The following MAPKAPK5 variants were observed in gnomAD, a reference collection of about 807,000 sequenced individuals.
MAPKAPK5 encodes the protein MAP kinase-activated protein kinase 5.
Under a neutral mutation model 65.1 loss-of-function variants are expected in MAPKAPK5, and 30 were observed. That is an observed-to-expected ratio of 0.46 (90% CI 0.34 to 0.63). The LOEUF (loss-of-function observed/expected upper bound fraction) is 0.63, where lower values mean the gene tolerates loss of function less well. Ranked by LOEUF, MAPKAPK5 falls within the 20% of genes least tolerant of loss-of-function variation. The pLI, the probability that MAPKAPK5 is intolerant of heterozygous loss-of-function variation, is 0.01. For synonymous variants in MAPKAPK5, 179 were observed against 204.6 expected (o/e 0.87, Z 1.07); for missense variants, 433 against 581.4 (o/e 0.74, Z 2.63).
At position 111,900,735 on chromosome 12, in the gene MAPKAPK5, T is replaced by C. The variant is rs3742000; in HGVS notation, c.*7674T>C. ...ATTTCACCGTAAGGGATATCCTTGCTGTCCTTCTAGTCGTTCCTGTGATCT... is the reference window on the plus strand; with the variant it reads ...ATTTCACCGTAAGGGATATCCTTGCCGTCCTTCTAGTCGTTCCTGTGATCT... On this transcript the variant is annotated 3_prime_UTR_variant, in exon 14 of 14. Coordinates refer to ENST00000550735, the MANE Select transcript of MAPKAPK5 (RefSeq NM_003668.4). The C allele has an allele frequency of 0.29, 130,368 of 455,922 alleles. 27,575 individuals are homozygous for C. Among genetic ancestry groups the C allele is most frequent in the East Asian group, 0.86 (12,418 of 14,380 alleles). 28.2% of individuals were successfully genotyped at this position (455,922 alleles called of 1,614,324 possible). A position where few individuals can be genotyped will look rare whatever the true frequency, so the allele number is the denominator to read the frequency against.
rs2071071211 is a variant in MAPKAPK5, at chr12:111,901,745, C to A, written c.*8684C>A. 9.0e-6 allele frequency: 2 copies of A among 222,396 alleles called. No homozygotes were observed. Among genetic ancestry groups the A allele is most frequent in the Non-Finnish European group, 1.8e-5 (2 of 111,086 alleles). The allele number at this position is 222,396 out of a possible 1,614,324, so 13.8% of individuals were successfully genotyped here. A position where few individuals can be genotyped will look rare whatever the true frequency, so the allele number is the denominator to read the frequency against. On this transcript the variant is annotated 3_prime_UTR_variant, in exon 14 of 14. Transcript: ENST00000550735. ...AGATGAAGCCAAGTATATCAAACTC[C>A]TCAAGTACTGAGTGGGAATGAGATG...
chr12:111,900,407 CT>C lies in MAPKAPK5; in HGVS notation c.*7350del. The C allele has an allele frequency of 2.2e-6, 1 of 455,972 alleles. No homozygotes were observed. The highest frequency in any genetic ancestry group is 6.9e-5 in the East Asian group (1 of 14,414). 28.2% of individuals were successfully genotyped at this position (455,972 alleles called of 1,614,324 possible). A position where few individuals can be genotyped will look rare whatever the true frequency, so the allele number is the denominator to read the frequency against. On this transcript the variant is annotated 3_prime_UTR_variant, in exon 14 of 14. Coordinates refer to ENST00000550735, the MANE Select transcript of MAPKAPK5 (RefSeq NM_003668.4). ...GTATTCAGCACGACCACTCGGCCTG[CT>C]TTTGTAAAGATAAGCACTTTTGCCT...
chr12:111,842,721 G>A lies in MAPKAPK5; in HGVS notation c.-13G>A. On this transcript the variant is annotated 5_prime_UTR_variant, in exon 1 of 14. Transcript: ENST00000550735. ...AGCCTCCGCCTCTCCCGGCTGTGGG[G>A]GCCCCACTGAGTATGTCGGAGGAGA... 1.5e-6 allele frequency: 2 copies of A among 1,375,526 alleles called. No individual in the cohort carries two copies. Among genetic ancestry groups the A allele is most frequent in the Non-Finnish European group, 1.9e-6 (2 of 1,059,020 alleles). 85.2% of individuals were successfully genotyped at this position (1,375,526 alleles called of 1,614,324 possible).
At chr12:111,863,544 G>C (rs2069510557) in intron 1 of MAPKAPK5, among the ~76,000 whole-genome samples, 2 of 151,640 alleles carry the variant, frequency 1.3e-5, no homozygotes, top group Admixed American at 1.3e-4. Context: ...CGGGATTCTT[G>C]TGCTACATAG....
intron 5 of MAPKAPK5, 27 bp from the exon 6 acceptor site, chr12:111,870,244 C>CG (rs759700628): frequency 7.8e-6 from 12 of 1,542,816 alleles, no homozygotes; most frequent in Non-Finnish European, 1.1e-5. Context: ...TTCTAAGAAG[C>CG]GACTGTTTCA....
intron 1 of MAPKAPK5, among the ~76,000 whole-genome samples, chr12:111,857,413 G>A (rs1056661986): frequency 1.3e-5 from 2 of 151,710 alleles, no homozygotes; most frequent in Non-Finnish European, 2.9e-5. Flanking sequence ...GGCTATTTTG[G>A]GGTTTTATTT....
At chr12:111,892,266 C>T (rs1054843343) in intron 13 of MAPKAPK5, among the ~76,000 whole-genome samples, 13 of 152,216 alleles carry the variant, frequency 8.5e-5, no homozygotes, top group African/African-American at 2.4e-4. Flanking sequence ...AATACTCTTG[C>T]GAATGTCTTT....
chr12:111,870,193 A>G, intron 5 of MAPKAPK5, 78 bp from the exon 6 acceptor site: 1 of 923,340 alleles, frequency 1.1e-6, no homozygotes, highest in South Asian at 2.0e-5. Context: ...GTTTTTTGAC[A>G]TCCTGAGTTC....
chr12:111,871,499 C>A (rs570854517), intron 7 of MAPKAPK5, among the ~76,000 whole-genome samples: 1 of 151,986 alleles, frequency 6.6e-6, no homozygotes, highest in Non-Finnish European at 1.5e-5. Flanking sequence ...AAAAATTAGC[C>A]GAGTGTGGTG....
rs146984834 is a variant in MAPKAPK5, at chr12:111,880,614, A to G, written c.660+87A>G. On this transcript the variant is annotated intron_variant, in intron 8 of 13. Coordinates refer to ENST00000550735, the MANE Select transcript of MAPKAPK5 (RefSeq NM_003668.4). ...TTGTGGCCCTCTGGGAGTGTGGCCA[A>G]TTCCTTTCTCACCCCTTAATATTCC... The G allele has an allele frequency of 8.6e-4, 983 of 1,139,722 alleles. 6 individuals are homozygous for G. The African/African-American group carries it at 0.013, about 16-fold the overall frequency. 70.6% of individuals were successfully genotyped at this position (1,139,722 alleles called of 1,614,324 possible).
intron 13 of MAPKAPK5, among the ~76,000 whole-genome samples, chr12:111,892,447 A>G (rs1341033936): frequency 6.6e-6 from 1 of 152,064 alleles, no homozygotes; most frequent in Non-Finnish European, 1.5e-5. Flanking sequence ...AACTCTTGCT[A>G]TTGTCTTTTT....
chr12:111,850,047 T>C (rs1263151027), intron 1 of MAPKAPK5, among the ~76,000 whole-genome samples: 4 of 149,580 alleles, frequency 2.7e-5, no homozygotes, highest in Non-Finnish European at 4.4e-5. Flanking sequence ...TTTTTTTTCA[T>C]AGATGGAGAC....
At chr12:111,863,678 C>T (rs2069516400) in intron 1 of MAPKAPK5, among the ~76,000 whole-genome samples, 1 of 149,644 alleles carries the variant, frequency 6.7e-6, no homozygotes. Context: ...GTGATCTTGG[C>T]CCACAGCAAC....
intron 7 of MAPKAPK5, among the ~76,000 whole-genome samples, chr12:111,871,638 G>A (rs1382843934): frequency 2.6e-5 from 4 of 151,794 alleles, no homozygotes; most frequent in Admixed American, 6.6e-5. Flanking sequence ...GCGAGACTCC[G>A]TCTCAAAAAA....
At chr12:111,891,996 G>A (rs1383407336) in intron 13 of MAPKAPK5, among the ~76,000 whole-genome samples, 1 of 152,088 alleles carries the variant, frequency 6.6e-6, no homozygotes, top group East Asian at 1.9e-4. Context: ...TCACAGTCCT[G>A]ATTTCTAGCA....
chr12:111,859,652 CTTT>C (rs758102057), intron 1 of MAPKAPK5, among the ~76,000 whole-genome samples: 2 of 106,124 alleles, frequency 1.9e-5, no homozygotes, highest in Non-Finnish European at 2.0e-5. Flanking sequence ...CTTTGCTTTT[CTTT>C]TTTTTTTTTT....
intron 1 of MAPKAPK5, among the ~76,000 whole-genome samples, chr12:111,864,467 T>C (rs1054804601): frequency 3.9e-5 from 6 of 152,232 alleles, no homozygotes; most frequent in Non-Finnish European, 8.8e-5. Context: ...CCTAAAGTGC[T>C]GGGATTACAG....
chr12:111,875,308 C>T (rs566643146), intron 7 of MAPKAPK5, among the ~76,000 whole-genome samples: 12 of 151,906 alleles, frequency 7.9e-5, no homozygotes, highest in East Asian at 1.9e-4. Flanking sequence ...TTGTTGCTAT[C>T]GTTGTCTTCA....
At chr12:111,863,499 C>T (rs1442224334) in intron 1 of MAPKAPK5, among the ~76,000 whole-genome samples, 2 of 152,082 alleles carry the variant, frequency 1.3e-5, no homozygotes, top group Non-Finnish European at 2.9e-5. Context: ...GTGTGTATTA[C>T]GTAAGCAAAT....
Sources: gnomAD v4.1 joint callset for allele counts (sites outside exome capture counted in the v4.1 genomes callset) on GRCh38, gnomAD v4.1.1 for gene constraint, MANE v1.5 for transcripts, NCBI Gene and HGNC (gene_info 2026-07-23, HGNC 2026-07-21) for gene names.